The following SCARB2 variants were observed in gnomAD, a reference collection of about 807,000 sequenced individuals.
SCARB2 encodes lysosome membrane protein 2.
In SCARB2, 29 loss-of-function variants were observed where a neutral mutation model predicts 58.6. That is an observed-to-expected ratio of 0.49 (90% CI 0.37 to 0.67). The LOEUF (loss-of-function observed/expected upper bound fraction) is 0.67, where lower values mean the gene tolerates loss of function less well. Among genes scored for constraint, SCARB2 ranks in the 30% least tolerant of loss-of-function variants. The probability of loss-of-function intolerance (pLI) is 0.00; values close to 1 mark genes in which losing one functional copy is unlikely to be tolerated. For missense variants in SCARB2, 488 were observed against 578.5 expected (o/e 0.84, Z 1.60); for synonymous variants, 195 against 210.1 (o/e 0.93, Z 0.62).
chr4:76,219,832 C>T (rs1054891786), intron 1 of SCARB2, among the ~76,000 whole-genome samples: 1 of 152,160 alleles, frequency 6.6e-6, no homozygotes, highest in East Asian at 1.9e-4. Context: ...AACCACTGCA[C>T]TCACCACATA....
intron 10 of SCARB2, chr4:76,163,674 C>A (rs954129487): frequency 9.1e-6 from 4 of 440,066 alleles, no homozygotes; most frequent in Non-Finnish European, 1.7e-5. Flanking sequence ...TCAGATAATT[C>A]CAATTCATCC....
chr4:76,179,910 G>T (rs1732344080), intron 3 of SCARB2: 1 of 621,282 alleles, frequency 1.6e-6, no homozygotes, highest in South Asian at 1.8e-5. Context: ...ACTGCATTTT[G>T]TAAGTGTAAT....
At chr4:76,205,527 G>A (rs1435564871) in intron 1 of SCARB2, among the ~76,000 whole-genome samples, 1 of 152,060 alleles carries the variant, frequency 6.6e-6, no homozygotes, top group African/African-American at 2.4e-5. Flanking sequence ...ACATCATGTT[G>A]CATGCCCTAA....
chr4:76,195,502 C>T (rs1443960189), intron 2 of SCARB2: 19 of 584,656 alleles, frequency 3.2e-5, no homozygotes, highest in Admixed American at 9.0e-5. Flanking sequence ...AAACACAACA[C>T]GCTGAGACTT....
intron 1 of SCARB2, among the ~76,000 whole-genome samples, chr4:76,221,716 G>A (rs563946709): frequency 2.8e-4 from 43 of 152,126 alleles, no homozygotes; most frequent in Non-Finnish European, 5.7e-4. Context: ...AAACACACAC[G>A]GACACAAAGA....
chr4:76,234,017 A>C (rs960291018), intron 1 of SCARB2, among the ~76,000 whole-genome samples: 3 of 152,330 alleles, frequency 2.0e-5, no homozygotes, highest in African/African-American at 2.4e-5. Flanking sequence ...CAGGGAGACA[A>C]GTTTAATTGC....
At chr4:76,209,450 C>G (rs1035180469) in intron 1 of SCARB2, among the ~76,000 whole-genome samples, 1 of 152,108 alleles carries the variant, frequency 6.6e-6, no homozygotes, top group Middle Eastern at 3.2e-3. Flanking sequence ...CTCACTGCAA[C>G]CTCCGCCTCC....
At chr4:76,181,157 C>T in intron 2 of SCARB2, 56 bp from the exon 3 acceptor site, 1 of 1,537,636 alleles carries the variant, frequency 6.5e-7, no homozygotes, top group South Asian at 1.1e-5. Context: ...ATAAGCAAGA[C>T]TTTTCCTTTC....
intron 9 of SCARB2, 112 bp downstream of exon 9, chr4:76,168,291 C>T (rs1732056718): frequency 1.2e-6 from 1 of 833,164 alleles, no homozygotes; most frequent in Non-Finnish European, 2.1e-6. Flanking sequence ...CCCTGAAGGG[C>T]AGGGGTGAGC....
At chr4:76,201,618 A>G (rs1489388734) in intron 1 of SCARB2, among the ~76,000 whole-genome samples, 1 of 152,252 alleles carries the variant, frequency 6.6e-6, no homozygotes, top group Non-Finnish European at 1.5e-5. Context: ...TCTGAATTTC[A>G]GTACTGCAGA....
chr4:76,217,320 C>G (rs1296322420), upstream of SCARB2, among the ~76,000 whole-genome samples: 1 of 152,182 alleles, frequency 6.6e-6, no homozygotes, highest in East Asian at 1.9e-4. Context: ...TTCCTGGTGA[C>G]TTCTCTGCTA....
chr4:76,174,870 A>T (rs3796497), intron 6 of SCARB2: 17,366 of 162,644 alleles, frequency 0.11, 1,199 homozygotes, highest in East Asian at 0.21. Flanking sequence ...AGTTCAACGT[A>T]ATTCTGCCTT....
chr4:76,189,780 T>A (rs112783226), intron 2 of SCARB2, among the ~76,000 whole-genome samples: 27 of 152,164 alleles, frequency 1.8e-4, no homozygotes, highest in African/African-American at 6.3e-4. Context: ...CCAAAAGGGT[T>A]TTTTAAAAAG....
intron 8 of SCARB2, 134 bp downstream of exon 8, chr4:76,169,733 A>G (rs1732090700): frequency 1.3e-6 from 1 of 792,472 alleles, no homozygotes; most frequent in Non-Finnish European, 2.2e-6. Context: ...ATCAGCACTG[A>G]GCTGAATTTC....
chr4:76,202,393 C>G (rs948338755), intron 1 of SCARB2, among the ~76,000 whole-genome samples: 42 of 152,176 alleles, frequency 2.8e-4, no homozygotes, highest in African/African-American at 9.6e-4. Flanking sequence ...TCTCGAGTAG[C>G]TGGGATTACA....
At chr4:76,166,932 C>T (rs1419978319) in intron 9 of SCARB2, 1 of 152,968 alleles carries the variant, frequency 6.5e-6, no homozygotes, top group Non-Finnish European at 1.5e-5. Context: ...AAACCACCTA[C>T]TTCTTAGAAA....
At position 76,160,401 on chromosome 4, in the gene SCARB2, A is replaced by G. The variant is rs1228588466; in HGVS notation, c.*1312T>C. On this transcript the variant is annotated 3_prime_UTR_variant, in exon 12 of 12. Coordinates refer to ENST00000264896, the MANE Select transcript of SCARB2 (RefSeq NM_005506.4). ...GCCCTTAAATATGCTTGAATTCTGA[A>G]CACTGTGACATATGATGGCTCCCAA... is the stretch of plus-strand genomic sequence containing the variant. The G allele has an allele frequency of 6.6e-6, 1 of 152,234 alleles. No homozygotes were observed. Among genetic ancestry groups the G allele is most frequent in the East Asian group, 1.9e-4 (1 of 5,198 alleles). 9.4% of individuals were successfully genotyped at this position (152,234 alleles called of 1,614,324 possible).
At chr4:76,183,592 T>C (rs1171040922) in intron 2 of SCARB2, among the ~76,000 whole-genome samples, 4 of 152,218 alleles carry the variant, frequency 2.6e-5, no homozygotes, top group Non-Finnish European at 5.9e-5. Flanking sequence ...AACCTCCCCA[T>C]GTTTGGTTCT....
chr4:76,210,168 T>A lies in SCARB2; in HGVS notation c.117+3259A>T, dbSNP rs10034116. Among the ~76,000 whole-genome samples, 992 of 152,332 alleles carry A rather than the reference T, an allele frequency of 6.5e-3. 7 individuals carry two copies. Among genetic ancestry groups the A allele is most frequent in the African/African-American group, 0.022 (934 of 41,568 alleles). On this transcript the variant is annotated intron_variant, in intron 1 of 11. Transcript: ENST00000264896. The stretch of plus-strand genomic sequence containing the variant: ...GGCATTGTGCTGGGTGCTTTATAGA[T>A]ATCATATTATTTCATTCTTGTGACA...
Sources: gnomAD v4.1 joint callset for allele counts (sites outside exome capture counted in the v4.1 genomes callset) on GRCh38, gnomAD v4.1.1 for gene constraint, MANE v1.5 for transcripts, NCBI Gene and HGNC (gene_info 2026-07-23, HGNC 2026-07-21) for gene names.